The following E2F1 variants were observed in gnomAD, a reference collection of about 807,000 sequenced individuals.
The protein encoded by E2F1 is transcription factor E2F1.
In E2F1, 7 loss-of-function variants were observed where a neutral mutation model predicts 36.9. The observed-to-expected ratio is 0.19, with a 90% CI of 0.11 to 0.36. The LOEUF is 0.36. Ranked by LOEUF, E2F1 falls within the 10% of genes least tolerant of loss-of-function variation. The pLI is 1.00. For missense variants in E2F1, 406 were observed against 573.6 expected, an observed-to-expected ratio of 0.71 and a Z score of 2.99; for synonymous variants, 261 against 263.1, an observed-to-expected ratio of 0.99 and a Z score of 0.08.
At chr20:33,682,225 AC>A (rs149327727) in intron 1 of E2F1, among the ~76,000 whole-genome samples, 7 of 151,334 alleles carry the variant, frequency 4.6e-5, no homozygotes, top group Middle Eastern at 3.4e-3. Flanking sequence ...TGCTGAATGA[AC>A]CCCCCCCATG....
At chr20:33,681,125 A>G (rs1035540676) in intron 1 of E2F1, among the ~76,000 whole-genome samples, 1 of 151,968 alleles carries the variant, frequency 6.6e-6, no homozygotes, top group African/African-American at 2.4e-5. Flanking sequence ...TGCAGCCTAG[A>G]CTTCCTGGGC....
Position 33,676,821 on chromosome 20 carries a change from G to C in E2F1, c.1225C>G (p.Leu409Val), listed in dbSNP as rs1846620423. ...TCCTCGAGGCCGAAGTGGTAGTCGA[G>C]GGCCTCGTGGGGTGGGGAAAGGCTG... ...FISLSPPHEA[L>V]DYHFGLEEGE... Residue 409 changes from leucine (L) to valine (V), a missense_variant, in exon 7 of 7, where the codon CTC becomes GTC. Leu to Val is a conservative substitution (Grantham distance 32, BLOSUM62 1). Coordinates refer to ENST00000343380, the MANE Select transcript of E2F1 (RefSeq NM_005225.3). 6.3e-7 allele frequency: 1 copy of C among 1,596,564 alleles called. No individual in the cohort carries two copies. Among genetic ancestry groups the C allele is most frequent in the African/African-American group, 1.3e-5 (1 of 74,434 alleles).
Position 33,678,350 on chromosome 20 carries a change from G to C in E2F1, c.576C>G (p.Gly192=). Reference sequence around the variant, plus strand: ...CGCCGACGCCCACTGTGGTGTGGCTGCCCCTGTGGGGAGGCACCAGGGAGG... The same window carrying C: ...CGCCGACGCCCACTGTGGTGTGGCTCCCCCTGTGGGGAGGCACCAGGGAGG... ...KKSKNHIQWL[G]SHTTVGVGGR... Residue 192 remains glycine (G), a synonymous_variant, in exon 4 of 7, where the codon GGC becomes GGG. Coordinates refer to ENST00000343380, the MANE Select transcript of E2F1 (RefSeq NM_005225.3). 4 of 1,611,972 alleles carry C rather than the reference G, an allele frequency of 2.5e-6. No homozygotes were observed. The highest frequency in any genetic ancestry group is 3.4e-6 in the Non-Finnish European group (4 of 1,179,896).
Position 33,677,817 on chromosome 20 carries a change from C to T in E2F1, c.726-277G>A, listed in dbSNP as rs6057878. On this transcript the variant is annotated intron_variant, in intron 4 of 6. Transcript: ENST00000343380. ...GTGCTGGGAATTTATTTTTTAGAGG[C>T]AGGGTCTCGCTATGTCACCCAGGCT... Among the ~76,000 whole-genome samples, 203 of 152,216 alleles carry T rather than the reference C, an allele frequency of 1.3e-3. 1 individual carries two copies. The highest frequency in any genetic ancestry group is 4.8e-3 in the African/African-American group (198 of 41,532).
chr20:33,678,595 C>A (rs1299751348), intron 3 of E2F1, among the ~76,000 whole-genome samples: 3 of 151,802 alleles, frequency 2.0e-5, no homozygotes, highest in Non-Finnish European at 4.4e-5. Flanking sequence ...AATGATGGGA[C>A]TGACATGCCA....
rs371030754 is a variant in E2F1, at chr20:33,678,358, G to T, written c.573-5C>A. 1.4e-5 allele frequency: 23 copies of T among 1,611,740 alleles called. No homozygotes were observed. The highest frequency in any genetic ancestry group is 1.9e-5 in the Non-Finnish European group (22 of 1,179,828). ...CCCACTGTGGTGTGGCTGCCCCTGTGGGGAGGCACCAGGGAGGGTAGGGTT... is the reference window on the plus strand; with the variant it reads ...CCCACTGTGGTGTGGCTGCCCCTGTTGGGAGGCACCAGGGAGGGTAGGGTT... On this transcript the variant is annotated splice_region_variant and splice_polypyrimidine_tract_variant and intron_variant, in intron 3 of 6. Transcript: ENST00000343380.
chr20:33,677,489 C>A lies in E2F1; in HGVS notation c.777G>T (p.Glu259Asp), dbSNP rs34468325. Reference protein sequence around the residue: ...QDLRSIADPAEQMVMVIKAPP... With the variant: ...QDLRSIADPADQMVMVIKAPP... ...GGGCTTTGATCACCATAACCATCTG[C>A]TCTGCAGGGTCTGCAATGCTACGAA... The change falls in exon 5 of 7, where the codon GAG becomes GAT. Residue 259 changes from glutamate to aspartate, a missense_variant. Glu to Asp is a conservative substitution (Grantham distance 45). This residue lies in a region of E2F1 where 93 missense variants were observed against 143.3 expected (regional missense o/e 0.65). Transcript: ENST00000343380. 6.2e-7 allele frequency: 1 copy of A among 1,614,014 alleles called. No individual in the cohort carries two copies. Among genetic ancestry groups the A allele is most frequent in the Non-Finnish European group, 8.5e-7 (1 of 1,180,014 alleles).
chr20:33,677,341 G>A lies in E2F1; in HGVS notation c.841-11C>T, dbSNP rs754052244. 1 of 1,612,232 alleles carries A rather than the reference G, an allele frequency of 6.2e-7. No individual in the cohort carries two copies. Among genetic ancestry groups the A allele is most frequent in the Middle Eastern group, 1.7e-4 (1 of 6,052 alleles). ...GGAGATCTGAAAGTTCTGGGTGGAA[G>A]CAGCAGGCAGGGTAAACTGAGGCCC... On this transcript the variant is annotated splice_polypyrimidine_tract_variant and intron_variant, in intron 5 of 6. Coordinates refer to ENST00000343380, the MANE Select transcript of E2F1 (RefSeq NM_005225.3).
chr20:33,681,398 C>A (rs910170966), intron 1 of E2F1, among the ~76,000 whole-genome samples: 11 of 152,226 alleles, frequency 7.2e-5, no homozygotes, highest in African/African-American at 2.7e-4. Flanking sequence ...TTTGACTAAT[C>A]TATACGCATG....
chr20:33,683,033 C>T (rs2018031556), intron 1 of E2F1, among the ~76,000 whole-genome samples: 1 of 152,024 alleles, frequency 6.6e-6, no homozygotes, highest in Admixed American at 6.5e-5. Flanking sequence ...GGAAAAACTA[C>T]AATTTTTAAA....
At chr20:33,680,262 C>T (rs2018005505) in intron 2 of E2F1, 64 bp downstream of exon 2, 1 of 1,524,886 alleles carries the variant, frequency 6.6e-7, no homozygotes, top group African/African-American at 1.4e-5. Flanking sequence ...GCATGTTTGT[C>T]TGTTCACATC....
At chr20:33,682,586 C>A (rs1406895288) in intron 1 of E2F1, among the ~76,000 whole-genome samples, 1 of 152,226 alleles carries the variant, frequency 6.6e-6, no homozygotes, top group African/African-American at 2.4e-5. Flanking sequence ...GGGATCCCCA[C>A]CCTTGTCCAC....
chr20:33,683,059 A>G (rs1354068610), intron 1 of E2F1, among the ~76,000 whole-genome samples: 1 of 152,194 alleles, frequency 6.6e-6, no homozygotes, highest in African/African-American at 2.4e-5. Flanking sequence ...AAAAAACAAA[A>G]ACTGTCACAA....
At chr20:33,677,042 C>G in intron 6 of E2F1, 63 bp from the exon 7 acceptor site, 1 of 1,561,914 alleles carries the variant, frequency 6.4e-7, no homozygotes, top group Non-Finnish European at 8.7e-7. Flanking sequence ...CAGGGGCTGT[C>G]GTGCCTGCCC....
At chr20:33,682,889 T>A (rs1452605664) in intron 1 of E2F1, among the ~76,000 whole-genome samples, 2 of 152,226 alleles carry the variant, frequency 1.3e-5, no homozygotes, top group Non-Finnish European at 2.9e-5. Flanking sequence ...TATATTTATA[T>A]GATCCCTTTT....
chr20:33,682,032 A>C (rs1421426476), intron 1 of E2F1, among the ~76,000 whole-genome samples: 1 of 150,264 alleles, frequency 6.7e-6, no homozygotes, highest in African/African-American at 2.4e-5. Context: ...TGTGGGCAGA[A>C]ACCTTACGCA....
Position 33,677,093 on chromosome 20 carries a change from C to T in E2F1, c.1066+12G>A, listed in dbSNP as rs570268126. ...GGCCCTGCCCCACCCCACCCACCTA[C>T]CCATCACCCACCTTGCTCCAGGCTG... On this transcript the variant is annotated intron_variant, in intron 6 of 6. Coordinates refer to ENST00000343380, the MANE Select transcript of E2F1 (RefSeq NM_005225.3). 7.1e-7 allele frequency: 1 copy of T among 1,418,216 alleles called. No individual in the cohort carries two copies. The highest frequency in any genetic ancestry group is 1.4e-5 in the African/African-American group (1 of 70,526). 87.9% of individuals were successfully genotyped at this position (1,418,216 alleles called of 1,614,324 possible). A position where few individuals can be genotyped will look rare whatever the true frequency, so the allele number is the denominator to read the frequency against.
In E2F1 at chr20:33,676,860, G is replaced by A; in HGVS notation, c.1186C>T (p.Pro396Ser). ...HVREDFSGLLPEEFISLSPPH... is the reference protein window; with the variant it reads ...HVREDFSGLLSEEFISLSPPH... ...GGGGAAAGGCTGATGAACTCCTCAG[G>A]GAGGAGGCCGGAGAAGTCCTCCCGC... is the stretch of plus-strand genomic sequence containing the variant. Residue 396 changes from proline (P) to serine (S), a missense_variant, in exon 7 of 7, where the codon CCT (proline) becomes TCT (serine). Coordinates refer to ENST00000343380, the MANE Select transcript of E2F1 (RefSeq NM_005225.3). The A allele has an allele frequency of 6.3e-7, 1 of 1,585,734 alleles. No homozygotes were observed. The highest frequency in any genetic ancestry group is 8.6e-7 in the Non-Finnish European group (1 of 1,165,030).
Position 33,680,395 on chromosome 20 carries a change from C to G in E2F1, c.283G>C (p.Glu95Gln). ...TCGGCCAGGTACTGATGGTCAGTTT[C>G]CAGGTCCAGCCTCCGCTTCACCTGT... ...RPPVKRRLDL[E>Q]TDHQYLAESS... The change falls in exon 2 of 7, where the codon GAA becomes CAA. Residue 95 changes from glutamate (E) to glutamine (Q), a missense_variant. Physicochemically the swap from Glu to Gln is conservative, Grantham distance 29 (BLOSUM62 2). Around this residue, in one of 5 missense-constraint regions of E2F1, gnomAD observed 77 missense variants for 131.7 expected, o/e 0.58. Coordinates refer to ENST00000343380, the MANE Select transcript of E2F1 (RefSeq NM_005225.3). 1 of 1,614,040 alleles carries G rather than the reference C, an allele frequency of 6.2e-7. No homozygotes were observed. Among genetic ancestry groups the G allele is most frequent in the Non-Finnish European group, 8.5e-7 (1 of 1,179,978 alleles).
Sources: gnomAD v4.1 joint callset for allele counts (sites outside exome capture counted in the v4.1 genomes callset) on GRCh38, gnomAD v4.1.1 for gene constraint, gnomAD v4.1.1 regional missense constraint, MANE v1.5 for transcripts, NCBI Gene and HGNC (gene_info 2026-07-23, HGNC 2026-07-21) for gene names.